The following TTC34 variants were observed in gnomAD, a reference collection of about 807,000 sequenced individuals.
TTC34 encodes the protein tetratricopeptide repeat protein 34.
Under a neutral mutation model 40.7 loss-of-function variants are expected in TTC34, and 44 were observed. The ratio of observed to expected loss-of-function variants is 1.08; its 90% confidence interval spans 0.85 to 1.39. The LOEUF is 1.39. Ranked by LOEUF, TTC34 falls within the 40% of genes most tolerant of loss-of-function variation. TTC34 has a pLI of 0.00. For synonymous variants in TTC34, 422 were observed against 398.6 expected, an observed-to-expected ratio of 1.06 and a Z score of -0.70; for missense variants, 884 against 838.0, an observed-to-expected ratio of 1.05 and a Z score of -0.68.
At chr1:2,783,452 G>A (rs1347073665) in intron 6 of TTC34, among the ~76,000 whole-genome samples, 157 bp downstream of exon 6, 1 of 152,198 alleles carries the variant, frequency 6.6e-6, no homozygotes, top group Non-Finnish European at 1.5e-5. Flanking sequence ...GCTCCCATGA[G>A]CCGCTGTACA....
chr1:2,749,679 C>G (rs1641254437), intron 6 of TTC34, among the ~76,000 whole-genome samples: 1 of 94,092 alleles, frequency 1.1e-5, no homozygotes, highest in African/African-American at 5.4e-5. Context: ...GAGCAGCAAC[C>G]TGCACACCCA....
chr1:2,767,849 C>T (rs865972494), intron 6 of TTC34, among the ~76,000 whole-genome samples: 3,346 of 148,654 alleles, frequency 0.023, 145 homozygotes, highest in African/African-American at 0.078. Context: ...ACCCACACCC[C>T]CAGGTGTGCA....
chr1:2,750,686 C>CAT (rs1641288970), intron 6 of TTC34, among the ~76,000 whole-genome samples: 4 of 83,482 alleles, frequency 4.8e-5, no homozygotes, highest in Middle Eastern at 6.2e-3. Flanking sequence ...GCACCCTGCA[C>CAT]CCCCAAGTGA....
At chr1:2,697,279 C>CT (rs1640911579) in intron 6 of TTC34, among the ~76,000 whole-genome samples, 2 of 36,516 alleles carry the variant, frequency 5.5e-5, no homozygotes, top group South Asian at 1.2e-3. Context: ...GAACAGCACA[C>CT]ACACCCCCAG....
intron 6 of TTC34, among the ~76,000 whole-genome samples, chr1:2,768,042 C>A (rs1321642579): frequency 1.3e-5 from 2 of 151,484 alleles, no homozygotes; most frequent in African/African-American, 2.4e-5. Flanking sequence ...CAGCACCCCA[C>A]AACCCCAGGT....
intron 6 of TTC34, among the ~76,000 whole-genome samples, chr1:2,780,709 T>C (rs1643468761): frequency 6.6e-6 from 1 of 152,220 alleles, no homozygotes; most frequent in South Asian, 2.1e-4. Context: ...AGCTTGCTGG[T>C]TCTTTTTCAG....
intron 6 of TTC34, among the ~76,000 whole-genome samples, chr1:2,781,543 A>G (rs896907850): frequency 6.6e-5 from 10 of 152,190 alleles, no homozygotes; most frequent in African/African-American, 2.4e-4. Context: ...TATTCTGGCT[A>G]TAACTTCCAG....
At position 2,750,064 on chromosome 1, in the gene TTC34, A is replaced by G. The variant is rs1641265216; in HGVS notation, c.2226+33545T>C. ...CCACACCCTCAGGTGAGCATCTGAC[A>G]GCCTGGAGCAGCAGGCACACCCCCA... is the stretch of plus-strand genomic sequence containing the variant. On this transcript the variant is annotated intron_variant, in intron 6 of 8. Transcript: ENST00000401095. Among the ~76,000 whole-genome samples the G allele has an allele frequency of 2.8e-5, 3 of 106,590 alleles. 1 individual carries two copies. Among genetic ancestry groups the G allele is most frequent in the African/African-American group, 8.8e-5 (2 of 22,712 alleles). 69.9% of individuals were successfully genotyped at this position (106,590 alleles called of 152,430 possible). A position where few individuals can be genotyped will look rare whatever the true frequency, so the allele number is the denominator to read the frequency against.
At chr1:2,760,355 A>ACC in intron 6 of TTC34, among the ~76,000 whole-genome samples, 1 of 36,722 alleles carries the variant, frequency 2.7e-5, no homozygotes, top group Admixed American at 2.8e-4. Flanking sequence ...CTGGAACAGC[A>ACC]CCCCACACCC....
intron 2 of TTC34, among the ~76,000 whole-genome samples, chr1:2,795,217 C>G (rs961596492): frequency 2.6e-5 from 4 of 152,176 alleles, no homozygotes; most frequent in Non-Finnish European, 5.9e-5. Context: ...CAACTGCACT[C>G]CAGCCTGGGA....
At chr1:2,687,084 C>A (rs1343566259) in intron 6 of TTC34, among the ~76,000 whole-genome samples, 2 of 145,218 alleles carry the variant, frequency 1.4e-5, no homozygotes, top group Admixed American at 6.7e-5. Context: ...GGACCCACAC[C>A]CCCAGGTGAA....
intron 6 of TTC34, among the ~76,000 whole-genome samples, chr1:2,772,768 T>C (rs1347714709): frequency 0.019 from 181 of 9,640 alleles, no homozygotes; most frequent in African/African-American, 0.028. Flanking sequence ...GGAACAGCAC[T>C]CCACACCCCC....
At chr1:2,693,061 C>T (rs1162383039) in intron 6 of TTC34, among the ~76,000 whole-genome samples, 1 of 83,492 alleles carries the variant, frequency 1.2e-5, no homozygotes, top group Non-Finnish European at 2.9e-5. Context: ...GAGCAGCACC[C>T]ACAACCCCAG....
chr1:2,755,930 A>C (rs1197607163), intron 6 of TTC34, among the ~76,000 whole-genome samples: 1 of 77,408 alleles, frequency 1.3e-5, no homozygotes, highest in African/African-American at 1.0e-4. Flanking sequence ...GACAGCCTGG[A>C]GCAGCACCCT....
intron 6 of TTC34, among the ~76,000 whole-genome samples, chr1:2,752,569 G>T (rs1201474947): frequency 6.2e-5 from 2 of 32,172 alleles, no homozygotes; most frequent in Non-Finnish European, 1.1e-4. Flanking sequence ...ACAGCACCTT[G>T]CACCCCCAGG....
rs1282792969 is a variant in TTC34, at chr1:2,645,897, C to T, written c.2227-334G>A. ...CGGTCTGTGAGCCCTCCCTGGGTCC[C>T]TCGCTCTCCCAGCTTGTAGCTGGCT... is the stretch of plus-strand genomic sequence containing the variant. On this transcript the variant is annotated intron_variant, in intron 6 of 8. Coordinates refer to ENST00000401095, the Ensembl canonical transcript of TTC34. The surrounding 1 kb of genome is among the most constrained non-coding windows in gnomAD (Gnocchi z 4.7). Among the ~76,000 whole-genome samples the T allele has an allele frequency of 6.6e-6, 1 of 152,144 alleles. No individual in the cohort carries two copies. The highest frequency in any genetic ancestry group is 1.5e-5 in the Non-Finnish European group (1 of 68,034).
At chr1:2,676,972 CA>C (rs1639927572) in intron 6 of TTC34, among the ~76,000 whole-genome samples, 1 of 135,084 alleles carries the variant, frequency 7.4e-6, no homozygotes, top group African/African-American at 2.9e-5. Flanking sequence ...CCTGCACCCC[CA>C]GGTGAGCATC....
At chr1:2,683,103 AT>A (rs1640149980) in intron 6 of TTC34, among the ~76,000 whole-genome samples, 25 of 143,378 alleles carry the variant, frequency 1.7e-4, no homozygotes, top group South Asian at 4.4e-4. Flanking sequence ...CTGGAGCAGC[AT>A]CCACACCCCC....
At chr1:2,789,519 G>C in exon 3 of TTC34, 3 of 1,503,110 alleles carry the variant, frequency 2.0e-6, no homozygotes, top group Non-Finnish European at 2.7e-6. Context: ...TGCGTGGTGG[G>C]GCCGCCCGTC....
Sources: gnomAD v4.1 joint callset for allele counts (sites outside exome capture counted in the v4.1 genomes callset) on GRCh38, gnomAD v4.1.1 for gene constraint, Gnocchi (gnomAD v3.1) non-coding constraint, MANE v1.5 for transcripts, NCBI Gene and HGNC (gene_info 2026-07-23, HGNC 2026-07-21) for gene names.